DSG1: variants seen among roughly 807,000 people sequenced by gnomAD.
DSG1 encodes desmoglein-1.
DSG1 carries 39 observed loss-of-function variants against 97.5 expected under a neutral mutation model. The observed-to-expected ratio is 0.40, with a 90% confidence interval of 0.31 to 0.52. The LOEUF (loss-of-function observed/expected upper bound fraction) is 0.52. DSG1 is among the 20% of genes least tolerant of loss of function. The pLI is 0.53. For synonymous variants in DSG1, 475 were observed against 443.4 expected (o/e 1.07, Z -0.90); for missense variants, 1,311 against 1,295.4 (o/e 1.01, Z -0.18).
rs2071737131 is a variant in DSG1 at position 31,334,064 on chromosome 18, G to T, written c.867G>T (p.Glu289Asp). The change falls in exon 8 of 15, where the codon GAG becomes GAT. Residue 289 changes from glutamate to aspartate, a missense_variant. This residue lies in a region of DSG1 where 1,038 missense variants were observed against 964.6 expected (regional missense o/e 1.08). Transcript: ENST00000257192. ...ATACTCTAAATTCAAATTTGCTCGAGATTAGAGTAATTGATTTGGATGAAG... is the reference window on the plus strand; with the variant it reads ...ATACTCTAAATTCAAATTTGCTCGATATTAGAGTAATTGATTTGGATGAAG... The part of the protein sequence containing the change: ...QENTLNSNLL[E>D]IRVIDLDEEF... The T allele has an allele frequency of 6.2e-7, 1 of 1,610,930 alleles. No homozygotes were observed. The highest frequency in any genetic ancestry group is 1.3e-5 in the African/African-American group (1 of 74,840).
chr18:31,342,349 T>C (rs2071795335), intron 11 of DSG1, among the ~76,000 whole-genome samples: 1 of 152,184 alleles, frequency 6.6e-6, no homozygotes, highest in African/African-American at 2.4e-5. Context: ...CTCTAGTAGA[T>C]TTTCAGAAAA....
At chr18:31,352,176 A>G (rs1231705661) in intron 14 of DSG1, among the ~76,000 whole-genome samples, 6 of 149,870 alleles carry the variant, frequency 4.0e-5, no homozygotes, top group African/African-American at 1.5e-4. Context: ...TGGTGACAAA[A>G]TCTCTCAGCA....
At chr18:31,325,633 A>G (rs966968240) in intron 1 of DSG1, among the ~76,000 whole-genome samples, 8 of 151,732 alleles carry the variant, frequency 5.3e-5, no homozygotes, top group African/African-American at 1.9e-4. Context: ...CTGTATTCCT[A>G]TTGTCGTATG....
At position 31,355,497 on chromosome 18, in the gene DSG1, A is replaced by T; in HGVS notation, c.*151A>T. ...ATCACAATGAGAAAAATAAATGGAA[A>T]CACCACTGCTAGGGGAGAGCTCTCC... On this transcript the variant is annotated 3_prime_UTR_variant, in exon 15 of 15. Transcript: ENST00000257192. The T allele has an allele frequency of 1.3e-6, 1 of 777,098 alleles. No individual in the cohort carries two copies. 48.1% of individuals were successfully genotyped at this position (777,098 alleles called of 1,614,324 possible).
At position 31,326,983 on chromosome 18, in the gene DSG1, C is replaced by T. The variant is rs747573688; in HGVS notation, c.194C>T (p.Ser65Leu). The T allele has an allele frequency of 6.2e-7, 1 of 1,613,834 alleles. No homozygotes were observed. The highest frequency in any genetic ancestry group is 8.5e-7 in the Non-Finnish European group (1 of 1,179,832). The change falls in exon 3 of 15, where the codon TCA (serine) becomes TTA (leucine). Residue 65 changes from serine to leucine, a missense_variant. Ser to Leu is a moderately radical substitution (Grantham distance 145). Transcript: ENST00000257192. ...GCCTGTCGTGAAGGTGAAGACAACTCAAAGAGGAACCCAATCGCCAAAGTA... is the reference window on the plus strand; with the variant it reads ...GCCTGTCGTGAAGGTGAAGACAACTTAAAGAGGAACCCAATCGCCAAAGTA... The part of the protein sequence containing the change: ...AAACREGEDN[S>L]KRNPIAKIHS...
At chr18:31,343,677 G>A in intron 12 of DSG1, 94 bp downstream of exon 12, 2 of 1,567,824 alleles carry the variant, frequency 1.3e-6, no homozygotes, top group African/African-American at 1.3e-5. Flanking sequence ...CACAGTCTAT[G>A]CTGTTTTTTG....
At chr18:31,335,026 T>C (rs951730387) in intron 8 of DSG1, among the ~76,000 whole-genome samples, 1 of 151,990 alleles carries the variant, frequency 6.6e-6, no homozygotes, top group Non-Finnish European at 1.5e-5. Flanking sequence ...ATTTCTTTTT[T>C]CAGACTAGGT....
At chr18:31,331,113 T>C (rs768017414) in intron 5 of DSG1, among the ~76,000 whole-genome samples, 10 of 152,194 alleles carry the variant, frequency 6.6e-5, no homozygotes, top group Middle Eastern at 3.4e-3. Context: ...ACAATATGTG[T>C]AGTTAAGCAA....
chr18:31,322,149 A>G (rs2071657773), intron 1 of DSG1, among the ~76,000 whole-genome samples: 1 of 152,348 alleles, frequency 6.6e-6, no homozygotes, highest in East Asian at 1.9e-4. Flanking sequence ...CTACAAATTA[A>G]TGGTTGCCTG....
At chr18:31,337,168 A>G in intron 9 of DSG1, among the ~76,000 whole-genome samples, 1 of 152,204 alleles carries the variant, frequency 6.6e-6, no homozygotes, top group East Asian at 1.9e-4. Context: ...ATGTACCTGT[A>G]TTTGCACATG....
chr18:31,345,179 A>T (rs968386795), intron 13 of DSG1, among the ~76,000 whole-genome samples: 1 of 152,162 alleles, frequency 6.6e-6, no homozygotes, highest in Admixed American at 6.5e-5. Context: ...ACAAAGCACC[A>T]TAAGAGGCAC....
At position 31,343,533 on chromosome 18, in the gene DSG1, G is replaced by A; in HGVS notation, c.1771G>A (p.Asp591Asn). 1 of 1,614,144 alleles carries A rather than the reference G, an allele frequency of 6.2e-7. No individual in the cohort carries two copies. Among genetic ancestry groups the A allele is most frequent in the Non-Finnish European group, 8.5e-7 (1 of 1,180,036 alleles). The stretch of plus-strand genomic sequence containing the variant: ...CTTTGAGCCTGTTCCCGAATGTTCA[G>A]ATGGAGCAATTCATTCATGGGCAGT... ...AGFEPVPECS[D>N]GAIHSWAVEG... The change falls in exon 12 of 15, where the codon GAT (aspartate) becomes AAT (asparagine). Residue 591 changes from aspartate (D) to asparagine (N), a missense_variant. This residue lies in a region of DSG1 where 1,038 missense variants were observed against 964.6 expected (regional missense o/e 1.08). Coordinates refer to ENST00000257192, the MANE Select transcript of DSG1 (RefSeq NM_001942.4).
At chr18:31,333,197 G>A (rs554492716) in intron 6 of DSG1, among the ~76,000 whole-genome samples, 2 of 152,110 alleles carry the variant, frequency 1.3e-5, no homozygotes, top group African/African-American at 4.8e-5. Context: ...AAAACACAAA[G>A]CTTTGTTATC....
At chr18:31,349,429 G>A (rs2071874595) in intron 14 of DSG1, among the ~76,000 whole-genome samples, 2 of 151,024 alleles carry the variant, frequency 1.3e-5, no homozygotes, top group Admixed American at 6.6e-5. Context: ...TTTTGGCTTA[G>A]GATTGACGTG....
intron 1 of DSG1, among the ~76,000 whole-genome samples, chr18:31,320,370 T>G (rs1464952793): frequency 6.6e-6 from 1 of 152,180 alleles, no homozygotes; most frequent in Non-Finnish European, 1.5e-5. Flanking sequence ...GGAAGCGTAT[T>G]TGTACAATTG....
rs765735987 is a variant in DSG1, at chr18:31,331,725, C to G, written c.542C>G (p.Ala181Gly). 1 of 1,612,638 alleles carries G rather than the reference C, an allele frequency of 6.2e-7. No individual in the cohort carries two copies. Residue 181 changes from alanine (A) to glycine (G), a missense_variant, in exon 6 of 15, where the codon GCT (alanine) becomes GGT (glycine). Transcript: ENST00000257192. ...NANTLVMILN[A>G]TDADEPNNLN... ...GATACACTGGTGATGATACTCAATGCTACTGACGCAGATGAACCGAACAAT... is the reference window on the plus strand; with the variant it reads ...GATACACTGGTGATGATACTCAATGGTACTGACGCAGATGAACCGAACAAT...
In DSG1 at chr18:31,334,180, T is replaced by C. The variant is rs145784011; in HGVS notation, c.983T>C (p.Val328Ala). ...ATAGAAATGAATGAAAGAACAAATG[T>C]GGGAATTTTAAAGGTTGTTAAGGTA... Reference protein sequence around the residue: ...FEIEMNERTNVGILKVVKPLD... With the variant: ...FEIEMNERTNAGILKVVKPLD... Residue 328 changes from valine to alanine, a missense_variant, in exon 8 of 15, where the codon GTG (valine) becomes GCG (alanine). By Grantham distance (64) the Val-to-Ala change is moderately conservative. Around this residue, in one of 3 missense-constraint regions of DSG1, gnomAD observed 1,038 missense variants for 964.6 expected, o/e 1.08. Transcript: ENST00000257192. 67 of 1,604,680 alleles carry C rather than the reference T, an allele frequency of 4.2e-5. No homozygotes were observed. The highest frequency in any genetic ancestry group is 5.5e-5 in the Non-Finnish European group (65 of 1,172,122).
chr18:31,354,487 GAAAAGAATCATAT>G lies in DSG1; in HGVS notation c.2292_2304del (p.Lys765GlnfsTer40). The G allele has an allele frequency of 6.2e-7, 1 of 1,614,150 alleles. No homozygotes were observed. Among genetic ancestry groups the G allele is most frequent in the Non-Finnish European group, 8.5e-7 (1 of 1,180,028 alleles). ...AAGAAGTTGGCAGACATCAGCCTAG[GAAAAGAATCATAT>G]CCAGACCTTGATCCTTCTTGGCCAC... On this transcript the variant is annotated frameshift_variant, in exon 15 of 15. Transcript: ENST00000257192. LOFTEE classifies it high-confidence loss of function.
chr18:31,331,642 A>T, intron 5 of DSG1, 59 bp from the exon 6 acceptor site: 1 of 1,520,790 alleles, frequency 6.6e-7, no homozygotes, highest in Non-Finnish European at 9.1e-7. Context: ...AAGGTGATAT[A>T]CTCTACTGTA....
Sources: gnomAD v4.1 joint callset for allele counts (sites outside exome capture counted in the v4.1 genomes callset) on GRCh38, gnomAD v4.1.1 for gene constraint, gnomAD v4.1.1 regional missense constraint, MANE v1.5 for transcripts, NCBI Gene and HGNC (gene_info 2026-07-23, HGNC 2026-07-21) for gene names.